BRMS1L: variants seen among roughly 807,000 people sequenced by gnomAD.
BRMS1L encodes the protein breast cancer metastasis-suppressor 1-like protein.
In BRMS1L, 23 loss-of-function variants were observed where a neutral mutation model predicts 50.3. That is an observed-to-expected ratio of 0.46 (90% CI 0.33 to 0.65). The LOEUF is 0.65. Among genes scored for constraint, BRMS1L ranks in the 30% least tolerant of loss-of-function variants. The probability of loss-of-function intolerance (pLI) is 0.02; values close to 1 mark genes in which losing one functional copy is unlikely to be tolerated. For missense variants in BRMS1L, 286 were observed against 386.1 expected (o/e 0.74, Z 2.17); for synonymous variants, 114 against 126.9 (o/e 0.90, Z 0.69).
intron 7 of BRMS1L, among the ~76,000 whole-genome samples, chr14:35,865,370 C>A (rs560575347): frequency 1.7e-4 from 26 of 152,232 alleles, no homozygotes; most frequent in African/African-American, 6.3e-4. Flanking sequence ...ACATTTGAAC[C>A]CTTATGTGTC....
Position 35,857,250 on chromosome 14 carries a change from A to ATATATATATATATATGTATATATATAT in BRMS1L, c.442-5340_442-5339insTATATATATATATATGTATATATATAT, listed in dbSNP as rs1232726255. Among the ~76,000 whole-genome samples, 6 of 147,032 alleles carry ATATATATATATATATGTATATATATAT rather than the reference A, an allele frequency of 4.1e-5. No individual in the cohort carries two copies. The Admixed American group carries it at 4.1e-4, about 10-fold the overall frequency. On this transcript the variant is annotated intron_variant, in intron 4 of 9. Transcript: ENST00000216807. ...AGCAAGACTCCGTCTCAAAAAAAAAAATATATATATATATGTATATATACA... is the reference window on the plus strand; with the variant it reads ...AGCAAGACTCCGTCTCAAAAAAAAAATATATATATATATATGTATATATATATATATATATATATATGTATATATACA...
At chr14:35,864,023 C>A in intron 6 of BRMS1L, 70 bp downstream of exon 6, 2 of 1,163,712 alleles carry the variant, frequency 1.7e-6, no homozygotes, top group Middle Eastern at 2.0e-4. Flanking sequence ...GCCTTTATAA[C>A]TTTTATTTGT....
intron 4 of BRMS1L, among the ~76,000 whole-genome samples, chr14:35,837,705 T>C (rs2078012588): frequency 6.6e-6 from 1 of 151,902 alleles, no homozygotes; most frequent in Admixed American, 6.6e-5. Context: ...TGTGCCACCA[T>C]GCCTGGGTAA....
At chr14:35,859,811 A>G (rs2142059640) in intron 4 of BRMS1L, among the ~76,000 whole-genome samples, 1 of 152,008 alleles carries the variant, frequency 6.6e-6, no homozygotes, top group East Asian at 1.9e-4. Context: ...TGCCATGCTT[A>G]GCTAATTTTA....
intron 4 of BRMS1L, among the ~76,000 whole-genome samples, chr14:35,849,170 T>A (rs1242002965): frequency 1.3e-5 from 2 of 152,142 alleles, no homozygotes; most frequent in Non-Finnish European, 2.9e-5. Flanking sequence ...GTTGTATTTT[T>A]AAATTTTTGA....
intron 4 of BRMS1L, among the ~76,000 whole-genome samples, chr14:35,843,563 C>T (rs1746171175): frequency 6.6e-6 from 1 of 152,180 alleles, no homozygotes; most frequent in Non-Finnish European, 1.5e-5. Context: ...AAGCTTCGTC[C>T]CAGAGGGGCA....
At chr14:35,840,024 A>T (rs2078042771) in intron 4 of BRMS1L, among the ~76,000 whole-genome samples, 1 of 152,148 alleles carries the variant, frequency 6.6e-6, no homozygotes, top group Admixed American at 6.5e-5. Flanking sequence ...AATAGCTCTT[A>T]TTATTTTGAG....
intron 4 of BRMS1L, among the ~76,000 whole-genome samples, chr14:35,836,944 G>A (rs964652168): frequency 6.6e-6 from 1 of 152,174 alleles, no homozygotes; most frequent in Admixed American, 6.6e-5. Flanking sequence ...TCTCCTTGAA[G>A]AGGTCCTTCA....
chr14:35,865,919 A>G, intron 8 of BRMS1L, 158 bp downstream of exon 8: 1 of 660,166 alleles, frequency 1.5e-6, no homozygotes, highest in South Asian at 2.2e-5. Context: ...TCATTGCTTC[A>G]CGTAAAAGTT....
chr14:35,864,602 A>G (rs2078396885), intron 6 of BRMS1L, among the ~76,000 whole-genome samples: 1 of 152,168 alleles, frequency 6.6e-6, no homozygotes, highest in Admixed American at 6.5e-5. Context: ...ATTGGAGTGT[A>G]AATTAATACG....
intron 4 of BRMS1L, among the ~76,000 whole-genome samples, chr14:35,835,214 A>G (rs1760524293): frequency 6.6e-6 from 1 of 152,230 alleles, no homozygotes; most frequent in Non-Finnish European, 1.5e-5. Context: ...AAATATTAGT[A>G]TAATTAGTAT....
intron 4 of BRMS1L, among the ~76,000 whole-genome samples, chr14:35,851,420 T>C (rs901804788): frequency 1.3e-5 from 2 of 150,882 alleles, no homozygotes; most frequent in African/African-American, 4.9e-5. Context: ...TATGCTACTC[T>C]TTAAAAAAGA....
rs2142066215 is a variant in BRMS1L, at chr14:35,868,122, C to T, written c.854+90C>T. On this transcript the variant is annotated intron_variant, in intron 9 of 9. Coordinates refer to ENST00000216807, the MANE Select transcript of BRMS1L (RefSeq NM_032352.4). ...AATATTTCCTGCCTCCATAGTGTGC[C>T]TATATCATTAGTTGCTTGTGGATCC... 3 of 1,325,874 alleles carry T rather than the reference C, an allele frequency of 2.3e-6. No individual in the cohort carries two copies. In the East Asian group the frequency reaches 7.5e-5, roughly 33 times the overall value. 82.1% of individuals were successfully genotyped at this position (1,325,874 alleles called of 1,614,324 possible). A position where few individuals can be genotyped will look rare whatever the true frequency, so the allele number is the denominator to read the frequency against.
At chr14:35,859,725 T>G (rs2078325946) in intron 4 of BRMS1L, among the ~76,000 whole-genome samples, 1 of 152,146 alleles carries the variant, frequency 6.6e-6, no homozygotes, top group Admixed American at 6.5e-5. Context: ...TCATAGCTCA[T>G]TGCAGCCTCC....
At chr14:35,835,343 T>C (rs2077977297) in intron 4 of BRMS1L, among the ~76,000 whole-genome samples, 1 of 152,158 alleles carries the variant, frequency 6.6e-6, no homozygotes, top group African/African-American at 2.4e-5. Flanking sequence ...TCTCTATTTA[T>C]GGGAAAAAAA....
At chr14:35,855,489 T>C (rs1293680092) in intron 4 of BRMS1L, among the ~76,000 whole-genome samples, 3 of 152,210 alleles carry the variant, frequency 2.0e-5, no homozygotes, top group African/African-American at 7.2e-5. Flanking sequence ...TCTAGTCCAC[T>C]GTATTGTAAG....
At chr14:35,832,629 T>G (rs1429666980) in intron 2 of BRMS1L, among the ~76,000 whole-genome samples, 2 of 152,382 alleles carry the variant, frequency 1.3e-5, no homozygotes, top group East Asian at 3.9e-4. Flanking sequence ...ATGATTTCTT[T>G]GTTTCTTTTA....
chr14:35,865,713 T>TG lies in BRMS1L; in HGVS notation c.688-9_688-8insG. ...TCTTTCTTCCTCTTTTTTTTTTTTT[T>TG]TAATTAAGGCAATGGCTACATTGGG... On this transcript the variant is annotated splice_polypyrimidine_tract_variant and intron_variant, in intron 7 of 9. Coordinates refer to ENST00000216807, the MANE Select transcript of BRMS1L (RefSeq NM_032352.4). 1 of 1,574,560 alleles carries TG rather than the reference T, an allele frequency of 6.4e-7. No homozygotes were observed. Among genetic ancestry groups the TG allele is most frequent in the South Asian group, 1.2e-5 (1 of 84,752 alleles).
intron 9 of BRMS1L, among the ~76,000 whole-genome samples, 154 bp from the exon 10 acceptor site, chr14:35,870,206 G>A (rs1034167628): frequency 5.3e-5 from 8 of 152,106 alleles, no homozygotes; most frequent in Non-Finnish European, 8.8e-5. Context: ...TTGGCAGCAT[G>A]TACTGCTGAT....
Sources: gnomAD v4.1 joint callset for allele counts (sites outside exome capture counted in the v4.1 genomes callset) on GRCh38, gnomAD v4.1.1 for gene constraint, MANE v1.5 for transcripts, NCBI Gene and HGNC (gene_info 2026-07-23, HGNC 2026-07-21) for gene names.